BCAR3: variants seen among roughly 807,000 people sequenced by gnomAD.
BCAR3 encodes breast cancer anti-estrogen resistance protein 3.
Under a neutral mutation model 80.1 loss-of-function variants are expected in BCAR3, and 37 were observed. The observed-to-expected ratio is 0.46, with a 90% CI of 0.36 to 0.61. BCAR3 has a LOEUF of 0.61. Ranked by LOEUF, BCAR3 falls within the 20% of genes least tolerant of loss-of-function variation. The probability of loss-of-function intolerance (pLI) is 0.00; values close to 1 mark genes in which losing one functional copy is unlikely to be tolerated. For synonymous variants in BCAR3, 389 were observed against 418.9 expected (o/e 0.93, Z 0.87); for missense variants, 978 against 1,068.2 (o/e 0.92, Z 1.18).
chr1:93,592,217 TTGCC>T lies in BCAR3; in HGVS notation c.486+44_486+47del. 1 of 1,610,432 alleles carries T rather than the reference TTGCC, an allele frequency of 6.2e-7. No individual in the cohort carries two copies. The highest frequency in any genetic ancestry group is 8.5e-7 in the Non-Finnish European group (1 of 1,179,288). The stretch of plus-strand genomic sequence containing the variant: ...ACCCTGCGGGTCATCAATCTGTACA[TTGCC>T]TGAGAGCAGCCGTGTATGCTCTGGA... On this transcript the variant is annotated intron_variant, in intron 4 of 11. Transcript: ENST00000260502. The surrounding 1 kb of genome is among the most constrained non-coding windows in gnomAD (Gnocchi z 4.8).
intron 3 of BCAR3, among the ~76,000 whole-genome samples, chr1:93,688,608 A>G (rs1649055386): frequency 6.6e-6 from 1 of 150,832 alleles, no homozygotes; most frequent in South Asian, 2.1e-4. Context: ...TTATTTATTT[A>G]TTTTTGAGAC....
chr1:93,675,255 A>AATT (rs1427235601), intron 1 of BCAR3, among the ~76,000 whole-genome samples: 1 of 152,244 alleles, frequency 6.6e-6, no homozygotes, highest in Non-Finnish European at 1.5e-5. Context: ...GAGGACTCAT[A>AATT]GTTGCAGTAA....
intron 3 of BCAR3, among the ~76,000 whole-genome samples, chr1:93,640,072 G>A (rs546270814): frequency 6.6e-6 from 1 of 152,138 alleles, no homozygotes; most frequent in Non-Finnish European, 1.5e-5. Context: ...TGCACAAGCG[G>A]ATTGTAGATA....
intron 2 of BCAR3, among the ~76,000 whole-genome samples, chr1:93,655,848 C>A (rs1341158443): frequency 6.6e-6 from 1 of 152,156 alleles, no homozygotes; most frequent in Non-Finnish European, 1.5e-5. Context: ...TTAAGGGATC[C>A]CTTCAGACCA....
In BCAR3 at chr1:93,589,434, G is replaced by A; in HGVS notation, c.487-15C>T. On this transcript the variant is annotated splice_polypyrimidine_tract_variant and intron_variant, in intron 4 of 11. Transcript: ENST00000260502. ...TTTTCAGACACCTTTGGGACAAAAAGGTGAGTGAGGAGTAGGAAAGGCAAA... is the reference window on the plus strand; with the variant it reads ...TTTTCAGACACCTTTGGGACAAAAAAGTGAGTGAGGAGTAGGAAAGGCAAA... The A allele has an allele frequency of 6.3e-7, 1 of 1,598,620 alleles. No individual in the cohort carries two copies. Among genetic ancestry groups the A allele is most frequent in the Non-Finnish European group, 8.5e-7 (1 of 1,174,674 alleles).
chr1:93,687,686 T>C (rs1475332622), intron 3 of BCAR3, among the ~76,000 whole-genome samples: 1 of 152,218 alleles, frequency 6.6e-6, no homozygotes, highest in East Asian at 1.9e-4. Context: ...CAATGACTTC[T>C]GAGCAGCACA....
intron 5 of BCAR3, among the ~76,000 whole-genome samples, chr1:93,585,887 C>T (rs1358613790): frequency 6.6e-6 from 1 of 152,154 alleles, no homozygotes; most frequent in Non-Finnish European, 1.5e-5. Flanking sequence ...CACAGGCACA[C>T]ACCACCATGC....
intron 1 of BCAR3, among the ~76,000 whole-genome samples, chr1:93,675,818 T>C (rs1376420953): frequency 3.3e-5 from 5 of 151,138 alleles, no homozygotes; most frequent in Non-Finnish European, 4.4e-5. Context: ...GCATTTACCC[T>C]GAGCAGAGTC....
intron 3 of BCAR3, among the ~76,000 whole-genome samples, chr1:93,595,080 C>A (rs1173628331): frequency 1.3e-5 from 2 of 152,166 alleles, no homozygotes; most frequent in African/African-American, 4.8e-5. Context: ...TAAATTATTG[C>A]TCTTTCTCCC....
At chr1:93,702,995 C>G (rs1649700515) in intron 3 of BCAR3, among the ~76,000 whole-genome samples, 1 of 152,158 alleles carries the variant, frequency 6.6e-6, no homozygotes. Context: ...GAGAGCCTGC[C>G]CTCTGTGGTC....
At position 93,633,474 on chromosome 1, in the gene BCAR3, A is replaced by G. The variant is rs116803027; in HGVS notation, c.357+8830T>C. 3.2e-3 allele frequency among the ~76,000 whole-genome samples: 489 copies of G among 152,288 alleles called. 3 individuals are homozygous for G. The highest frequency in any genetic ancestry group is 0.011 in the African/African-American group (453 of 41,568). On this transcript the variant is annotated intron_variant, in intron 3 of 11. Transcript: ENST00000260502. ...ATTACAAACACATGGTATATACTAA[A>G]AAATATCTGTTGAATGAGCCACTGC... is the stretch of plus-strand genomic sequence containing the variant.
At chr1:93,743,958 TG>T (rs1651267209) in intron 2 of BCAR3, among the ~76,000 whole-genome samples, 1 of 151,998 alleles carries the variant, frequency 6.6e-6, no homozygotes, top group South Asian at 2.1e-4. Flanking sequence ...GGATGTGTAG[TG>T]GGAGGGGACA....
intron 5 of BCAR3, chr1:93,585,183 C>G (rs1305598267): frequency 1.0e-6 from 1 of 985,396 alleles, no homozygotes; most frequent in East Asian, 1.1e-4. Flanking sequence ...TGTGAGCACA[C>G]ACCTTCGCCC....
At chr1:93,610,905 T>C (rs1570967040) in intron 3 of BCAR3, among the ~76,000 whole-genome samples, 1 of 151,470 alleles carries the variant, frequency 6.6e-6, no homozygotes, top group East Asian at 1.9e-4. Context: ...CACTCCAGCC[T>C]GGGCAACTAC....
chr1:93,699,384 C>G (rs1649554427), intron 3 of BCAR3, among the ~76,000 whole-genome samples: 1 of 152,170 alleles, frequency 6.6e-6, no homozygotes, highest in South Asian at 2.1e-4. Context: ...CCTGTTCATG[C>G]TTCCAAGATG....
At chr1:93,588,877 A>T in intron 5 of BCAR3, 100 bp downstream of exon 5, 1 of 1,291,468 alleles carries the variant, frequency 7.7e-7, no homozygotes, top group Non-Finnish European at 1.0e-6. Flanking sequence ...TCCTATTAAC[A>T]TCTTTTATTT....
chr1:93,721,260 G>A (rs903389470), intron 2 of BCAR3, among the ~76,000 whole-genome samples: 1 of 152,150 alleles, frequency 6.6e-6, no homozygotes, highest in African/African-American at 2.4e-5. Context: ...AGGGCCCAGT[G>A]GCTCAGAATC....
chr1:93,758,640 G>C (rs1397443546), intron 2 of BCAR3, among the ~76,000 whole-genome samples: 1 of 152,208 alleles, frequency 6.6e-6, no homozygotes, highest in African/African-American at 2.4e-5. Context: ...ATAGGCACTG[G>C]GTGAGGAGAA....
At chr1:93,703,251 G>A (rs900582672) in intron 3 of BCAR3, among the ~76,000 whole-genome samples, 2 of 152,148 alleles carry the variant, frequency 1.3e-5, no homozygotes, top group Admixed American at 1.3e-4. Flanking sequence ...GACATTTAAC[G>A]ATCAGCTGTG....
Sources: gnomAD v4.1 joint callset for allele counts (sites outside exome capture counted in the v4.1 genomes callset) on GRCh38, gnomAD v4.1.1 for gene constraint, Gnocchi (gnomAD v3.1) non-coding constraint, MANE v1.5 for transcripts, NCBI Gene and HGNC (gene_info 2026-07-23, HGNC 2026-07-21) for gene names.